ABLIM1: variants seen among roughly 807,000 people sequenced by gnomAD.
The protein encoded by ABLIM1 is actin-binding LIM protein 1.
Under a neutral mutation model 107.0 loss-of-function variants are expected in ABLIM1, and 40 were observed. The ratio of observed to expected loss-of-function variants is 0.37; its 90% CI spans 0.29 to 0.49. The LOEUF (loss-of-function observed/expected upper bound fraction) is 0.49. Ranked by LOEUF, ABLIM1 falls within the 20% of genes least tolerant of loss-of-function variation. The probability of loss-of-function intolerance (pLI) is 0.97; values close to 1 mark genes in which losing one functional copy is unlikely to be tolerated. For synonymous variants in ABLIM1, 357 were observed against 357.3 expected (o/e 1.00, Z 0.01); for missense variants, 857 against 1,008.5 (o/e 0.85, Z 2.04).
intron 4 of ABLIM1, among the ~76,000 whole-genome samples, chr10:114,553,717 G>A (rs1381782619): frequency 6.6e-6 from 1 of 152,230 alleles, no homozygotes; most frequent in Non-Finnish European, 1.5e-5. Context: ...AGCTTTTGAT[G>A]TATCCTGGAG....
intron 6 of ABLIM1, among the ~76,000 whole-genome samples, chr10:114,509,550 G>C (rs1200345738): frequency 1.3e-5 from 2 of 152,076 alleles, no homozygotes; most frequent in African/African-American, 4.8e-5. Flanking sequence ...CTGAACACCA[G>C]GCTAATTTTT....
Position 114,444,055 on chromosome 10 carries a change from C to A in ABLIM1, c.1907G>T (p.Ser636Ile), listed in dbSNP as rs751112206. 1.2e-6 allele frequency: 2 copies of A among 1,611,730 alleles called. No individual in the cohort carries two copies. The highest frequency in any genetic ancestry group is 2.2e-5 in the South Asian group (2 of 90,730). Residue 636 changes from serine to isoleucine, a missense_variant, in exon 17 of 23, where the codon AGT (serine) becomes ATT (isoleucine). Coordinates refer to ENST00000533213, the MANE Select transcript of ABLIM1 (RefSeq NM_002313.7). ...ESRERSSLLASRYDSPINSAS... is the reference protein window; with the variant it reads ...ESRERSSLLAIRYDSPINSAS... ...TGAGTTGATGGGAGAATCGTAGCGA[C>A]TGGCTAACAGAGATGACCTTTCCCG...
At chr10:114,459,251 AAAACAAAC>A (rs146224817) in intron 12 of ABLIM1, among the ~76,000 whole-genome samples, 1 of 152,220 alleles carries the variant, frequency 6.6e-6, no homozygotes, top group African/African-American at 2.4e-5. Context: ...AAAACAAAAC[AAAACAAAC>A]AAACAAACAA....
At chr10:114,540,074 A>C (rs1007883822) in intron 6 of ABLIM1, among the ~76,000 whole-genome samples, 3 of 152,204 alleles carry the variant, frequency 2.0e-5, no homozygotes, top group Non-Finnish European at 4.4e-5. Flanking sequence ...ATTTATAGCA[A>C]GATCCCCCTA....
At chr10:114,796,026 G>GATAT in the ABLIM1 span, among the ~76,000 whole-genome samples, 5,433 of 152,224 alleles carry the variant, frequency 0.036, 313 homozygotes, top group African/African-American at 0.12. Flanking sequence ...AGGAGGCCAA[G>GATAT]ATATCCTCAG....
At chr10:114,621,155 T>C (rs2077441434) in intron 1 of ABLIM1, among the ~76,000 whole-genome samples, 1 of 152,224 alleles carries the variant, frequency 6.6e-6, no homozygotes, top group African/African-American at 2.4e-5. Context: ...TTTTATCCAC[T>C]ATTGCATTCC....
At chr10:114,600,993 G>C (rs2075926994) in intron 2 of ABLIM1, among the ~76,000 whole-genome samples, 1 of 151,154 alleles carries the variant, frequency 6.6e-6, no homozygotes, top group African/African-American at 2.4e-5. Context: ...TTGGATGGCA[G>C]GTCTTTTTCT....
intron 1 of ABLIM1, among the ~76,000 whole-genome samples, chr10:114,714,351 T>C (rs757926101): frequency 1.3e-5 from 2 of 152,186 alleles, no homozygotes; most frequent in South Asian, 2.1e-4. Flanking sequence ...TCTATGGACA[T>C]GGAGTGTAGA....
At chr10:114,491,755 C>G in intron 7 of ABLIM1, 36 bp downstream of exon 7, 1 of 1,537,800 alleles carries the variant, frequency 6.5e-7, no homozygotes, top group Non-Finnish European at 9.0e-7. Flanking sequence ...TTTCCCCCAG[C>G]AAGGAAAACT....
chr10:114,570,852 C>G (rs949448618), intron 4 of ABLIM1, among the ~76,000 whole-genome samples: 1 of 152,008 alleles, frequency 6.6e-6, no homozygotes, highest in African/African-American at 2.4e-5. Flanking sequence ...GCAATCCTCC[C>G]GCCTCAGCCT....
chr10:114,579,606 A>G (rs1793100193), intron 2 of ABLIM1, among the ~76,000 whole-genome samples: 1 of 152,202 alleles, frequency 6.6e-6, no homozygotes, highest in Admixed American at 6.5e-5. Flanking sequence ...ATAACAAAAA[A>G]TTTACCATCT....
intron 3 of ABLIM1, 56 bp downstream of exon 3, chr10:114,575,360 A>T: frequency 6.3e-7 from 1 of 1,584,324 alleles, no homozygotes; most frequent in Non-Finnish European, 8.6e-7. Flanking sequence ...AACAGCCCAA[A>T]CCAGCATTTC....
At chr10:114,493,633 A>T (rs2059297331) in intron 6 of ABLIM1, among the ~76,000 whole-genome samples, 1 of 152,308 alleles carries the variant, frequency 6.6e-6, no homozygotes, top group African/African-American at 2.4e-5. Context: ...ATTATTTCCT[A>T]TTCACTAGCA....
At chr10:114,458,505 T>C (rs2063261967) in intron 12 of ABLIM1, among the ~76,000 whole-genome samples, 1 of 152,166 alleles carries the variant, frequency 6.6e-6, no homozygotes, top group Non-Finnish European at 1.5e-5. Context: ...CTGCCTAGCT[T>C]TCTGGACTCA....
rs533769998 is a variant in ABLIM1, at chr10:114,572,357, C to T, written c.564-951G>A. On this transcript the variant is annotated intron_variant, in intron 3 of 22. Transcript: ENST00000533213. ...ACATTCATTTTTACTTCCACAGCTG[C>T]TACATTCCCTTTAAGTTGCCCCTCA... Among the ~76,000 whole-genome samples the T allele has an allele frequency of 3.2e-4, 48 of 152,346 alleles. No individual in the cohort carries two copies. In the South Asian group the frequency reaches 8.9e-3, roughly 28 times the overall value.
chr10:114,613,149 C>T (rs949026632), intron 1 of ABLIM1, among the ~76,000 whole-genome samples: 2 of 152,206 alleles, frequency 1.3e-5, no homozygotes, highest in Non-Finnish European at 2.9e-5. Context: ...AAAGCTAATA[C>T]ATGTGTGGCA....
chr10:114,609,169 G>A (rs1411124876), intron 1 of ABLIM1, among the ~76,000 whole-genome samples: 2 of 152,202 alleles, frequency 1.3e-5, no homozygotes, highest in Admixed American at 1.3e-4. Context: ...GCTAAGTGAT[G>A]TGATCACAGA....
At chr10:114,621,886 A>G (rs754578991) in intron 1 of ABLIM1, among the ~76,000 whole-genome samples, 12 of 152,330 alleles carry the variant, frequency 7.9e-5, no homozygotes, top group African/African-American at 1.4e-4. Context: ...GTTTTAGGCT[A>G]GGACCTCTAC....
intron 1 of ABLIM1, among the ~76,000 whole-genome samples, chr10:114,645,098 C>A (rs1233290857): frequency 6.6e-6 from 1 of 152,188 alleles, no homozygotes; most frequent in Non-Finnish European, 1.5e-5. Flanking sequence ...AATAATATCT[C>A]AGTTGGGATC....
Sources: allele counts gnomAD v4.1 joint callset (sites outside exome capture counted in the v4.1 genomes callset), GRCh38; gene constraint gnomAD v4.1.1; transcripts MANE v1.5; gene names NCBI Gene and HGNC (gene_info 2026-07-23, HGNC 2026-07-21).